SUMF1: variants seen among roughly 807,000 people sequenced by gnomAD.
SUMF1 encodes formylglycine-generating enzyme.
A neutral mutation model predicts 47.6 loss-of-function variants in SUMF1; 48 were observed. The observed-to-expected ratio is 1.01, with a 90% confidence interval of 0.80 to 1.28. The LOEUF (loss-of-function observed/expected upper bound fraction) is 1.28, where lower values mean the gene tolerates loss of function less well. Ranked by LOEUF, SUMF1 falls within the 50% of genes most tolerant of loss-of-function variation. SUMF1 has a pLI of 0.00. For synonymous variants in SUMF1, 230 were observed against 192.1 expected (o/e 1.20, Z -1.63); for missense variants, 571 against 485.4 (o/e 1.18, Z -1.66).
At position 4,340,841 on chromosome 3, in the gene SUMF1, G is replaced by C. The variant is rs553866487; in HGVS notation, c.1014+35489C>G. On this transcript the variant is annotated intron_variant and NMD_transcript_variant, in intron 8 of 12. Transcript: ENST00000448413. ...AAGAGAAACAGCTTGTAGAATATGA[G>C]GGCCTCATCTACAGGGCTTTTACAA... Among the ~76,000 whole-genome samples, 6 of 152,254 alleles carry C rather than the reference G, an allele frequency of 3.9e-5. No homozygotes were observed. The South Asian group carries it at 1.2e-3, about 32-fold the overall frequency.
intron 8 of SUMF1, among the ~76,000 whole-genome samples, chr3:4,176,154 C>T (rs1032257153): frequency 3.3e-5 from 5 of 152,144 alleles, no homozygotes; most frequent in Non-Finnish European, 7.3e-5. Flanking sequence ...CCTAAGAAGA[C>T]AGGCCAACAT....
intron 8 of SUMF1, among the ~76,000 whole-genome samples, chr3:4,142,293 T>C (rs1694088547): frequency 6.6e-6 from 1 of 152,152 alleles, no homozygotes; most frequent in South Asian, 2.1e-4. Context: ...TCCATAGAGT[T>C]TTGACAATTC....
intron 8 of SUMF1, among the ~76,000 whole-genome samples, chr3:4,311,206 G>GT (rs941947198): frequency 9.2e-5 from 14 of 152,126 alleles, no homozygotes; most frequent in Non-Finnish European, 1.0e-4. Flanking sequence ...CCAGCTCAGA[G>GT]TTTTTTTTAG....
rs544605272 is a variant in SUMF1 at position 4,057,559 on chromosome 3, A to C, written c.1191+11010T>G. Among the ~76,000 whole-genome samples, 19 of 152,302 alleles carry C rather than the reference A, an allele frequency of 1.2e-4. No homozygotes were observed. The South Asian group carries it at 3.9e-3, about 32-fold the overall frequency. On this transcript the variant is annotated intron_variant and NMD_transcript_variant, in intron 9 of 12. Transcript: ENST00000448413. ...CCAACCTGGGTCAGCCTAGCTGCCT[A>C]TCTGGTCTTTGGTTTCCATAACTTT...
intron 8 of SUMF1, among the ~76,000 whole-genome samples, chr3:4,281,992 TAGA>T (rs1178420687): frequency 5.3e-5 from 8 of 152,220 alleles, no homozygotes; most frequent in Admixed American, 3.3e-4. Context: ...TATAGGTATT[TAGA>T]AGCTGGCTTA....
chr3:4,423,187 C>A (rs1701958786), intron 3 of SUMF1, among the ~76,000 whole-genome samples: 1 of 152,132 alleles, frequency 6.6e-6, no homozygotes. Flanking sequence ...GATACTTGCA[C>A]ACACATGTTT....
At chr3:4,208,045 G>C (rs1695691753) in intron 8 of SUMF1, among the ~76,000 whole-genome samples, 1 of 152,084 alleles carries the variant, frequency 6.6e-6, no homozygotes, top group Non-Finnish European at 1.5e-5. Context: ...GGCAGGGGTT[G>C]GGGAAAAGTA....
chr3:4,301,042 A>G (rs1038356321), intron 8 of SUMF1, among the ~76,000 whole-genome samples: 3 of 152,316 alleles, frequency 2.0e-5, no homozygotes, highest in Non-Finnish European at 4.4e-5. Context: ...TATGAGTTCA[A>G]TAAGATGGTT....
At chr3:4,122,926 G>A (rs1429335894) in intron 8 of SUMF1, among the ~76,000 whole-genome samples, 1 of 152,112 alleles carries the variant, frequency 6.6e-6, no homozygotes, top group African/African-American at 2.4e-5. Context: ...CCAGGCACTG[G>A]GGGACAGTGG....
intron 8 of SUMF1, chr3:4,313,731 G>A (rs1414563291): frequency 1.9e-6 from 3 of 1,613,894 alleles, no homozygotes; most frequent in East Asian, 4.5e-5. Context: ...CCCCTTCTGT[G>A]TTCCCCTCCT....
intron 9 of SUMF1, among the ~76,000 whole-genome samples, chr3:4,043,377 G>A (rs1276144481): frequency 6.6e-6 from 1 of 151,982 alleles, no homozygotes; most frequent in African/African-American, 2.4e-5. Context: ...AATTCCAGTT[G>A]AGCATGTCTT....
At chr3:4,301,110 G>C (rs974393941) in intron 8 of SUMF1, among the ~76,000 whole-genome samples, 4 of 152,140 alleles carry the variant, frequency 2.6e-5, no homozygotes, top group Non-Finnish European at 4.4e-5. Flanking sequence ...TATAAAGTAG[G>C]AGAACTAATG....
chr3:4,212,304 C>G (rs1454546272), intron 8 of SUMF1, among the ~76,000 whole-genome samples: 2 of 152,124 alleles, frequency 1.3e-5, no homozygotes, highest in Non-Finnish European at 2.9e-5. Context: ...GGGAGTGGAC[C>G]TCCAGCAAAC....
intron 8 of SUMF1, among the ~76,000 whole-genome samples, chr3:4,196,655 C>A (rs530651734): frequency 2.6e-5 from 4 of 152,214 alleles, no homozygotes; most frequent in Non-Finnish European, 5.9e-5. Flanking sequence ...TAATGCTTTT[C>A]TACCTCTAAC....
At chr3:4,176,725 T>G (rs1694973368) in intron 8 of SUMF1, among the ~76,000 whole-genome samples, 1 of 152,150 alleles carries the variant, frequency 6.6e-6, no homozygotes, top group Non-Finnish European at 1.5e-5. Flanking sequence ...AATGCCCCCA[T>G]TAAAAGACAC....
At chr3:4,244,007 A>T (rs1475726085) in intron 8 of SUMF1, among the ~76,000 whole-genome samples, 1 of 152,134 alleles carries the variant, frequency 6.6e-6, no homozygotes, top group African/African-American at 2.4e-5. Flanking sequence ...CTTTACCATT[A>T]TGTAATGGCC....
intron 1 of SUMF1, among the ~76,000 whole-genome samples, chr3:4,462,657 C>T (rs940539776): frequency 6.6e-6 from 1 of 152,142 alleles, no homozygotes; most frequent in South Asian, 2.1e-4. Context: ...TCAACCTTAA[C>T]ATTAAAAGCT....
At chr3:4,202,815 C>T (rs1478398605) in intron 8 of SUMF1, among the ~76,000 whole-genome samples, 3 of 151,830 alleles carry the variant, frequency 2.0e-5, no homozygotes, top group Non-Finnish European at 4.4e-5. Context: ...CAATATCCTT[C>T]TTAATTTCTT....
chr3:4,241,251 T>C (rs1696531093), intron 8 of SUMF1, among the ~76,000 whole-genome samples: 1 of 152,170 alleles, frequency 6.6e-6, no homozygotes. Context: ...CCCTGTGATA[T>C]AAATGATTAA....
Sources: gnomAD v4.1 joint callset for allele counts (sites outside exome capture counted in the v4.1 genomes callset) on GRCh38, gnomAD v4.1.1 for gene constraint, MANE v1.5 for transcripts, NCBI Gene and HGNC (gene_info 2026-07-23, HGNC 2026-07-21) for gene names.